The following CAMTA1 variants were observed in gnomAD, a reference collection of about 807,000 sequenced individuals.
CAMTA1 encodes the protein calmodulin binding transcription activator 1, also known as calmodulin-binding transcription activator 1.
A neutral mutation model predicts 170.9 loss-of-function variants in CAMTA1; 27 were observed. The observed-to-expected ratio is 0.16, with a 90% CI of 0.12 to 0.22. The LOEUF (loss-of-function observed/expected upper bound fraction) is 0.22. Among genes scored for constraint, CAMTA1 ranks in the 10% least tolerant of loss-of-function variants. The pLI is 1.00. For synonymous variants in CAMTA1, 833 were observed against 891.5 expected (o/e 0.93, Z 1.17); for missense variants, 1,619 against 2,217.2 (o/e 0.73, Z 5.42).
chr1:7,052,680 GC>G lies in CAMTA1; in HGVS notation c.235-38621del, dbSNP rs1706602805. On this transcript the variant is annotated intron_variant, in intron 3 of 22. Coordinates refer to ENST00000303635, the MANE Select transcript of CAMTA1 (RefSeq NM_015215.4). ...ATACCTGGTTCTCCTCTTGGGCTGT[GC>G]CCACACCCGCCCAGTACCTGGTTCT... 2.6e-5 allele frequency among the ~76,000 whole-genome samples: 4 copies of G among 152,066 alleles called. No homozygotes were observed. In the South Asian group the frequency reaches 8.3e-4, roughly 32 times the overall value.
chr1:7,625,552 C>G (rs1576462390), intron 6 of CAMTA1, among the ~76,000 whole-genome samples: 1 of 152,276 alleles, frequency 6.6e-6, no homozygotes, highest in East Asian at 1.9e-4. Flanking sequence ...CCTGCTAGCA[C>G]AGATGCCCAC....
intron 4 of CAMTA1, among the ~76,000 whole-genome samples, chr1:7,109,921 T>C (rs986154400): frequency 3.3e-5 from 5 of 152,120 alleles, no homozygotes; most frequent in African/African-American, 1.2e-4. Context: ...CCTGATGGGG[T>C]GGGCTTAGCC....
At chr1:7,235,655 G>A (rs139222870) in intron 4 of CAMTA1, among the ~76,000 whole-genome samples, 1 of 152,248 alleles carries the variant, frequency 6.6e-6, no homozygotes, top group South Asian at 2.1e-4. Flanking sequence ...GAAAGCACAC[G>A]CTGAATCTCT....
intron 5 of CAMTA1, chr1:7,388,639 C>T (rs759504336): frequency 4.1e-4 from 63 of 152,586 alleles, no homozygotes; most frequent in Middle Eastern, 6.8e-3. Flanking sequence ...CCCTGGTGAA[C>T]GTCCTGGCCT....
At chr1:7,465,439 C>T (rs1575470849) in intron 5 of CAMTA1, among the ~76,000 whole-genome samples, 1 of 152,038 alleles carries the variant, frequency 6.6e-6, no homozygotes, top group East Asian at 1.9e-4. Context: ...TGCCTTCAGC[C>T]GCACTTCCCA....
intron 5 of CAMTA1, among the ~76,000 whole-genome samples, chr1:7,340,149 G>A (rs771236981): frequency 8.5e-5 from 13 of 152,168 alleles, no homozygotes; most frequent in East Asian, 5.8e-4. Flanking sequence ...AGCCATAGAC[G>A]ATATGTAAAC....
intron 4 of CAMTA1, among the ~76,000 whole-genome samples, chr1:7,213,679 A>T (rs1288637470): frequency 6.6e-6 from 1 of 151,780 alleles, no homozygotes; most frequent in African/African-American, 2.4e-5. Flanking sequence ...ACATATGTAT[A>T]CATGTGCCAT....
intron 3 of CAMTA1, among the ~76,000 whole-genome samples, chr1:7,027,778 G>A (rs192755357): frequency 1.1e-4 from 16 of 152,298 alleles, no homozygotes; most frequent in African/African-American, 3.9e-4. Context: ...GCAGCCATCT[G>A]TCTTCCAGAG....
chr1:7,353,005 A>C (rs941948704), intron 5 of CAMTA1, among the ~76,000 whole-genome samples: 1 of 152,200 alleles, frequency 6.6e-6, no homozygotes, highest in African/African-American at 2.4e-5. Context: ...CAGGCTCTGC[A>C]TGAGACACTC....
intron 4 of CAMTA1, among the ~76,000 whole-genome samples, chr1:7,108,666 G>A (rs1322591424): frequency 6.6e-6 from 1 of 152,218 alleles, no homozygotes; most frequent in African/African-American, 2.4e-5. Flanking sequence ...GTCAAATGCT[G>A]CATGGGAAGC....
intron 3 of CAMTA1, among the ~76,000 whole-genome samples, chr1:7,000,574 G>A (rs1473769100): frequency 6.6e-6 from 1 of 152,216 alleles, no homozygotes; most frequent in African/African-American, 2.4e-5. Flanking sequence ...AGCTTATGGG[G>A]CTCCTATCCT....
At chr1:6,943,178 C>T (rs1219045853) in intron 3 of CAMTA1, among the ~76,000 whole-genome samples, 2 of 151,968 alleles carry the variant, frequency 1.3e-5, no homozygotes, top group African/African-American at 4.8e-5. Flanking sequence ...CTCCTCCCCT[C>T]CTCCCCTCCG....
intron 4 of CAMTA1, among the ~76,000 whole-genome samples, chr1:7,158,116 A>C (rs998417090): frequency 1.3e-5 from 2 of 152,080 alleles, no homozygotes; most frequent in Admixed American, 1.3e-4. Flanking sequence ...CCGAGATTGC[A>C]CCACTGCACT....
At chr1:7,012,791 C>T (rs1699995289) in intron 3 of CAMTA1, among the ~76,000 whole-genome samples, 1 of 152,176 alleles carries the variant, frequency 6.6e-6, no homozygotes, top group Non-Finnish European at 1.5e-5. Flanking sequence ...CCTTGGATTC[C>T]CTGTCTGCCA....
chr1:7,006,395 C>T (rs1003970273), intron 3 of CAMTA1, among the ~76,000 whole-genome samples: 3 of 152,014 alleles, frequency 2.0e-5, no homozygotes, highest in African/African-American at 7.3e-5. Context: ...GTGGATTAGT[C>T]CTAGAAATTC....
intron 5 of CAMTA1, among the ~76,000 whole-genome samples, chr1:7,289,730 G>A (rs1351095421): frequency 6.6e-6 from 1 of 152,186 alleles, no homozygotes; most frequent in Non-Finnish European, 1.5e-5. Context: ...AGGACACACA[G>A]ACTCAGGGCA....
At chr1:6,962,760 C>A (rs1302483766) in intron 3 of CAMTA1, among the ~76,000 whole-genome samples, 2 of 151,380 alleles carry the variant, frequency 1.3e-5, no homozygotes, top group East Asian at 3.9e-4. Flanking sequence ...TTCGTCCTTG[C>A]CCACCGAGCT....
At chr1:6,832,810 CAGAG>C (rs1162946598) in intron 3 of CAMTA1, among the ~76,000 whole-genome samples, 3 of 152,286 alleles carry the variant, frequency 2.0e-5, no homozygotes, top group African/African-American at 4.8e-5. Flanking sequence ...ATAAACAACA[CAGAG>C]AGCCAAGTTT....
chr1:7,272,555 C>A (rs551785193), intron 5 of CAMTA1, among the ~76,000 whole-genome samples: 1 of 151,662 alleles, frequency 6.6e-6, no homozygotes, highest in Non-Finnish European at 1.5e-5. Context: ...ACGTATAAAT[C>A]AATGGAATAA....
Sources: gnomAD v4.1 joint callset for allele counts (sites outside exome capture counted in the v4.1 genomes callset) on GRCh38, gnomAD v4.1.1 for gene constraint, MANE v1.5 for transcripts, NCBI Gene and HGNC (gene_info 2026-07-23, HGNC 2026-07-21) for gene names.